Variants in ATP8A2 observed in about 807,000 individuals in gnomAD.
ATP8A2 encodes ATPase phospholipid transporting 8A2, also known as phospholipid-transporting ATPase IB.
In ATP8A2, 100 loss-of-function variants were observed where a neutral mutation model predicts 165.6. That is an observed-to-expected ratio of 0.60 (90% CI 0.51 to 0.71). ATP8A2 has a LOEUF of 0.71. ATP8A2 is among the 30% of genes least tolerant of loss of function. The pLI is 0.00. For synonymous variants in ATP8A2, 543 were observed against 548.8 expected, an observed-to-expected ratio of 0.99 and a Z score of 0.15; for missense variants, 1,227 against 1,479.5, an observed-to-expected ratio of 0.83 and a Z score of 2.80.
At chr13:25,983,793 G>T (rs999685652) in intron 35 of ATP8A2, among the ~76,000 whole-genome samples, 3 of 152,166 alleles carry the variant, frequency 2.0e-5, no homozygotes, top group Non-Finnish European at 4.4e-5. Context: ...GTAAGGTAAT[G>T]ATGACAAATA....
intron 33 of ATP8A2, among the ~76,000 whole-genome samples, chr13:25,866,823 G>A (rs976781672): frequency 6.6e-6 from 1 of 152,088 alleles, no homozygotes; most frequent in Non-Finnish European, 1.5e-5. Flanking sequence ...GCTCCTGCTG[G>A]GTGTTACAGG....
chr13:25,802,850 C>T (rs945373331), intron 27 of ATP8A2, among the ~76,000 whole-genome samples: 4 of 151,954 alleles, frequency 2.6e-5, no homozygotes, highest in African/African-American at 2.4e-5. Context: ...TTACTAGAAC[C>T]GCAGAATATA....
At chr13:25,562,993 T>G (rs925130316) in intron 15 of ATP8A2, among the ~76,000 whole-genome samples, 1 of 152,244 alleles carries the variant, frequency 6.6e-6, no homozygotes, top group Admixed American at 6.5e-5. Flanking sequence ...GCTTGCATTT[T>G]AGGTGCTCCC....
Position 25,848,499 on chromosome 13 carries a change from C to T in ATP8A2, c.2956+8875C>T, listed in dbSNP as rs1593443468. Among the ~76,000 whole-genome samples the T allele has an allele frequency of 4.6e-5, 7 of 152,340 alleles. No homozygotes were observed. In the South Asian group the frequency reaches 1.4e-3, roughly 32 times the overall value. On this transcript the variant is annotated intron_variant, in intron 30 of 36. Transcript: ENST00000381655. Reference sequence around the variant, plus strand: ...TGGCCTCACTGGGTGACTGCCTGGGCATTGGCAATCAAGTTTACTTTGCGT... The same window carrying T: ...TGGCCTCACTGGGTGACTGCCTGGGTATTGGCAATCAAGTTTACTTTGCGT...
intron 35 of ATP8A2, among the ~76,000 whole-genome samples, chr13:25,982,013 T>C (rs1034540150): frequency 1.3e-5 from 2 of 152,226 alleles, no homozygotes; most frequent in Non-Finnish European, 1.5e-5. Context: ...TTCTCCCATA[T>C]CTATTTTTTT....
rs142697274 is a variant in ATP8A2 at position 25,755,563 on chromosome 13, A to G, written c.2385-13483A>G. Among the ~76,000 whole-genome samples, 29 of 152,324 alleles carry G rather than the reference A, an allele frequency of 1.9e-4. No individual in the cohort carries two copies. In the East Asian group the frequency reaches 5.6e-3, roughly 29 times the overall value. Reference sequence around the variant, plus strand: ...TTATTTGTGTTATTCATATTCAGTGAGTAATAATTTCAGTGTGAATATGTA... The same window carrying G: ...TTATTTGTGTTATTCATATTCAGTGGGTAATAATTTCAGTGTGAATATGTA... On this transcript the variant is annotated intron_variant, in intron 25 of 36. Transcript: ENST00000381655.
intron 25 of ATP8A2, among the ~76,000 whole-genome samples, chr13:25,734,949 G>A (rs1056006640): frequency 6.6e-6 from 1 of 152,020 alleles, no homozygotes; most frequent in Non-Finnish European, 1.5e-5. Flanking sequence ...GTGATAAGGT[G>A]TCTAATAGAG....
At position 25,559,755 on chromosome 13, in the gene ATP8A2, G is replaced by A; in HGVS notation, c.1387G>A (p.Asp463Asn). 1 of 1,612,842 alleles carries A rather than the reference G, an allele frequency of 6.2e-7. No individual in the cohort carries two copies. The highest frequency in any genetic ancestry group is 8.5e-7 in the Non-Finnish European group (1 of 1,178,964). ...AGAATTGGCAAGAGAGCCGTCTTCA[G>A]ATGACTTCTGGTAAGTAGATTCTAG... ...FPELAREPSS[D>N]DFCRMPPPCS... is the part of the protein sequence containing the mutation. The change falls in exon 15 of 37, where the codon GAT becomes AAT. Residue 463 changes from aspartate (D) to asparagine (N), a missense_variant. Asp to Asn is a conservative substitution (Grantham distance 23). Around this residue, in one of 5 missense-constraint regions of ATP8A2, gnomAD observed 592 missense variants for 785.6 expected, o/e 0.75. Transcript: ENST00000381655.
intron 6 of ATP8A2, among the ~76,000 whole-genome samples, chr13:25,535,253 A>G (rs1236228881): frequency 4.6e-5 from 7 of 152,274 alleles, no homozygotes; most frequent in African/African-American, 9.6e-5. Context: ...CCAAAATGAT[A>G]ATAATCTAAT....
chr13:25,429,843 A>G (rs1764640), intron 1 of ATP8A2, among the ~76,000 whole-genome samples: 148,020 of 152,228 alleles, frequency 0.97, 72,015 homozygotes, highest in East Asian at 0.99. Context: ...CAGGGGTAAG[A>G]CATTGGTGAC....
intron 1 of ATP8A2, among the ~76,000 whole-genome samples, chr13:25,384,226 GT>G (rs1409547563): frequency 3.9e-5 from 6 of 152,060 alleles, no homozygotes; most frequent in Non-Finnish European, 7.4e-5. Flanking sequence ...TATTTTTTTA[GT>G]TTTGATTAGT....
chr13:25,938,441 G>A (rs560830043), intron 33 of ATP8A2, among the ~76,000 whole-genome samples: 12 of 152,334 alleles, frequency 7.9e-5, no homozygotes, highest in Admixed American at 6.5e-4. Flanking sequence ...AAATTACAAA[G>A]TTATGGATCC....
At chr13:25,846,163 G>A (rs775738085) in intron 30 of ATP8A2, among the ~76,000 whole-genome samples, 1 of 152,114 alleles carries the variant, frequency 6.6e-6, no homozygotes, top group Admixed American at 6.6e-5. Flanking sequence ...TGACAAGAGC[G>A]AAACTCAGTC....
intron 27 of ATP8A2, among the ~76,000 whole-genome samples, chr13:25,823,929 G>A (rs1161956173): frequency 6.6e-6 from 1 of 152,056 alleles, no homozygotes; most frequent in Non-Finnish European, 1.5e-5. Context: ...TGAGAATTGT[G>A]TTCTCAAGCT....
chr13:25,971,710 G>A (rs982606526), intron 35 of ATP8A2, among the ~76,000 whole-genome samples: 9 of 151,952 alleles, frequency 5.9e-5, no homozygotes, highest in Non-Finnish European at 1.2e-4. Flanking sequence ...TGGCCACAGA[G>A]AGATGCTGAC....
chr13:25,523,102 G>A (rs376855450), intron 2 of ATP8A2, among the ~76,000 whole-genome samples: 2 of 151,132 alleles, frequency 1.3e-5, no homozygotes, highest in East Asian at 1.9e-4. Flanking sequence ...TGGGCAACAG[G>A]GCTAGACTCT....
chr13:25,626,309 C>T (rs2041098419), intron 24 of ATP8A2, among the ~76,000 whole-genome samples: 1 of 152,130 alleles, frequency 6.6e-6, no homozygotes, highest in Admixed American at 6.6e-5. Context: ...ATGGTGCTGA[C>T]ATCTAATGAG....
At chr13:25,909,111 G>A (rs1323685558) in intron 33 of ATP8A2, among the ~76,000 whole-genome samples, 1 of 152,140 alleles carries the variant, frequency 6.6e-6, no homozygotes, top group African/African-American at 2.4e-5. Context: ...GGAGGGTGGG[G>A]AGAGAATGGT....
At chr13:25,745,118 T>G (rs1284567710) in intron 25 of ATP8A2, among the ~76,000 whole-genome samples, 1 of 152,106 alleles carries the variant, frequency 6.6e-6, no homozygotes, top group South Asian at 2.1e-4. Flanking sequence ...TTTTTTTGTA[T>G]TTTTAGTAGA....
Sources: allele counts gnomAD v4.1 joint callset (sites outside exome capture counted in the v4.1 genomes callset), GRCh38; gene constraint gnomAD v4.1.1; regional missense constraint gnomAD v4.1.1; transcripts MANE v1.5; gene names NCBI Gene and HGNC (gene_info 2026-07-23, HGNC 2026-07-21).